ZBTB20: variants seen among roughly 807,000 people sequenced by gnomAD.
ZBTB20 encodes the protein zinc finger and BTB domain-containing protein 20.
A neutral mutation model predicts 56.9 loss-of-function variants in ZBTB20; 9 were observed. The ratio of observed to expected loss-of-function variants is 0.16; its 90% CI spans 0.10 to 0.28. The LOEUF is 0.28. ZBTB20 is among the 10% of genes least tolerant of loss of function. The pLI, the probability that ZBTB20 is intolerant of heterozygous loss-of-function variation, is 1.00. For synonymous variants in ZBTB20, 417 were observed against 420.7 expected (o/e 0.99, Z 0.11); for missense variants, 655 against 1,003.0 (o/e 0.65, Z 4.69).
intron 2 of ZBTB20, among the ~76,000 whole-genome samples, chr3:115,036,224 G>GTATTTTA (rs1466867346): frequency 2.0e-5 from 3 of 151,286 alleles, no homozygotes; most frequent in African/African-American, 7.3e-5. Context: ...ATAAGGTGGT[G>GTATTTTA]TATTTTATGT....
chr3:114,697,233 C>T (rs555299090), intron 5 of ZBTB20, among the ~76,000 whole-genome samples: 1 of 152,002 alleles, frequency 6.6e-6, no homozygotes, highest in Non-Finnish European at 1.5e-5. Flanking sequence ...AACACACACA[C>T]ACCCGTCTTC....
At chr3:114,970,677 G>T (rs1380627486) in intron 3 of ZBTB20, among the ~76,000 whole-genome samples, 1 of 152,066 alleles carries the variant, frequency 6.6e-6, no homozygotes, top group East Asian at 1.9e-4. Context: ...AGCCAATAAG[G>T]TCACAATCAA....
At chr3:114,523,088 A>G (rs1339088650) in intron 6 of ZBTB20, among the ~76,000 whole-genome samples, 1 of 152,116 alleles carries the variant, frequency 6.6e-6, no homozygotes, top group Non-Finnish European at 1.5e-5. Flanking sequence ...TGCTAGCAAA[A>G]GAGACTGAGG....
At chr3:114,553,536 C>T (rs1047378971) in intron 6 of ZBTB20, among the ~76,000 whole-genome samples, 33 of 151,978 alleles carry the variant, frequency 2.2e-4, no homozygotes, top group African/African-American at 7.5e-4. Context: ...GCTTTCCTAA[C>T]TCAGTCTTAT....
intron 1 of ZBTB20, among the ~76,000 whole-genome samples, chr3:115,103,707 G>A (rs1257319821): frequency 6.6e-6 from 1 of 152,146 alleles, no homozygotes; most frequent in Non-Finnish European, 1.5e-5. Context: ...AACTCAAAAT[G>A]GATGGATCAT....
chr3:114,794,610 C>T (rs1284148753), intron 5 of ZBTB20, among the ~76,000 whole-genome samples: 1 of 152,114 alleles, frequency 6.6e-6, no homozygotes, highest in Non-Finnish European at 1.5e-5. Context: ...GATAAATCCT[C>T]ATATCTTTAG....
intron 3 of ZBTB20, among the ~76,000 whole-genome samples, chr3:114,961,887 G>A (rs1576433047): frequency 1.3e-5 from 2 of 152,016 alleles, no homozygotes; most frequent in African/African-American, 4.8e-5. Context: ...ATAATGTCAC[G>A]ATTGTTACAA....
At chr3:114,984,755 C>A (rs1203799876) in intron 2 of ZBTB20, among the ~76,000 whole-genome samples, 2 of 151,934 alleles carry the variant, frequency 1.3e-5, no homozygotes, top group African/African-American at 4.8e-5. Flanking sequence ...CAATTGAGTA[C>A]CTAAGAAAAC....
intron 5 of ZBTB20, among the ~76,000 whole-genome samples, chr3:114,779,139 T>C (rs754810567): frequency 1.3e-5 from 2 of 152,304 alleles, no homozygotes; most frequent in East Asian, 3.9e-4. Context: ...GCAGTCGATA[T>C]GAATTCCAAC....
At chr3:114,386,774 A>G (rs1216568227) in intron 8 of ZBTB20, among the ~76,000 whole-genome samples, 4 of 152,162 alleles carry the variant, frequency 2.6e-5, no homozygotes, top group Admixed American at 2.6e-4. Context: ...TTTTGGGGGT[A>G]GAATGGGGTG....
chr3:114,899,979 T>C (rs929399345), intron 4 of ZBTB20, among the ~76,000 whole-genome samples: 5 of 152,106 alleles, frequency 3.3e-5, no homozygotes, highest in African/African-American at 9.7e-5. Context: ...ATGGCAAAAC[T>C]GTGGTTTTGC....
chr3:115,041,818 C>T (rs961134870), intron 2 of ZBTB20, among the ~76,000 whole-genome samples: 11 of 152,190 alleles, frequency 7.2e-5, no homozygotes, highest in African/African-American at 1.2e-4. Flanking sequence ...TAAAATTAGA[C>T]GCAAAAGTTT....
intron 7 of ZBTB20, among the ~76,000 whole-genome samples, chr3:114,399,401 G>C (rs1240762134): frequency 6.6e-6 from 1 of 152,104 alleles, no homozygotes; most frequent in Non-Finnish European, 1.5e-5. Context: ...TATTTAACAT[G>C]TGAAATAGAA....
chr3:114,926,104 C>G (rs964406108), intron 3 of ZBTB20, among the ~76,000 whole-genome samples: 1 of 152,152 alleles, frequency 6.6e-6, no homozygotes, highest in Non-Finnish European at 1.5e-5. Flanking sequence ...TCTTTACTTT[C>G]CTATGTTTTT....
chr3:114,439,313 T>G (rs1336661379), intron 7 of ZBTB20, among the ~76,000 whole-genome samples: 1 of 152,108 alleles, frequency 6.6e-6, no homozygotes, highest in African/African-American at 2.4e-5. Flanking sequence ...GGTTCAGAAG[T>G]GCAGGTGAAT....
intron 4 of ZBTB20, among the ~76,000 whole-genome samples, chr3:114,885,586 G>A (rs1185384616): frequency 7.1e-6 from 1 of 141,064 alleles, no homozygotes; most frequent in Non-Finnish European, 1.5e-5. Flanking sequence ...TTTTTTTTTC[G>A]GCAACAGATA....
chr3:115,019,053 C>T (rs1228742882), intron 2 of ZBTB20, among the ~76,000 whole-genome samples: 1 of 151,246 alleles, frequency 6.6e-6, no homozygotes, highest in African/African-American at 2.4e-5. Context: ...TTGTACCCGA[C>T]ATCAATTTAT....
intron 5 of ZBTB20, among the ~76,000 whole-genome samples, chr3:114,756,568 T>TA (rs1474689009): frequency 6.6e-6 from 1 of 152,226 alleles, no homozygotes; most frequent in Non-Finnish European, 1.5e-5. Context: ...ATTTTTTACT[T>TA]AGAGTCTTCA....
chr3:114,796,508 T>C (rs1222876121), intron 5 of ZBTB20, among the ~76,000 whole-genome samples: 1 of 151,984 alleles, frequency 6.6e-6, no homozygotes, highest in African/African-American at 2.4e-5. Flanking sequence ...GGAAAGTTAA[T>C]GGGGCAGCAG....
Sources: allele counts gnomAD v4.1 joint callset (sites outside exome capture counted in the v4.1 genomes callset), GRCh38; gene constraint gnomAD v4.1.1; transcripts MANE v1.5; gene names NCBI Gene and HGNC (gene_info 2026-07-23, HGNC 2026-07-21).